Variants in GIPC2 observed in about 807,000 individuals in gnomAD.
The protein encoded by GIPC2 is GIPC PDZ domain containing family member 2, also known as PDZ domain-containing protein GIPC2.
Under a neutral mutation model 30.6 loss-of-function variants are expected in GIPC2, and 30 were observed. That is an observed-to-expected ratio of 0.98 (90% CI 0.73 to 1.33). The LOEUF is 1.33. Ranked by LOEUF, GIPC2 falls within the 40% of genes most tolerant of loss-of-function variation. The pLI is 0.00. For missense variants in GIPC2, 414 were observed against 390.3 expected (o/e 1.06, Z -0.51); for synonymous variants, 167 against 150.0 (o/e 1.11, Z -0.83).
At chr1:78,116,558 A>G (rs553736227) in intron 3 of GIPC2, among the ~76,000 whole-genome samples, 4 of 143,730 alleles carry the variant, frequency 2.8e-5, no homozygotes, top group African/African-American at 1.1e-4. Flanking sequence ...TCCTGTGTCC[A>G]AGTGTTCTCA....
intron 5 of GIPC2, among the ~76,000 whole-genome samples, chr1:78,134,620 T>G (rs1405927056): frequency 1.3e-5 from 2 of 152,156 alleles, no homozygotes; most frequent in African/African-American, 4.8e-5. Flanking sequence ...TCTCTCCCTT[T>G]TCTTCCTAGC....
At chr1:78,115,544 C>G (rs1662552867) in intron 3 of GIPC2, among the ~76,000 whole-genome samples, 1 of 152,204 alleles carries the variant, frequency 6.6e-6, no homozygotes, top group Admixed American at 6.5e-5. Flanking sequence ...GAATCCTGGA[C>G]AGTGCTGATG....
chr1:78,115,738 C>T (rs963801411), intron 3 of GIPC2, among the ~76,000 whole-genome samples: 4 of 152,154 alleles, frequency 2.6e-5, no homozygotes, highest in South Asian at 2.1e-4. Context: ...GGATGTTTCC[C>T]AAATCATCAG....
intron 1 of GIPC2, among the ~76,000 whole-genome samples, chr1:78,076,377 T>A (rs1366563712): frequency 6.6e-6 from 1 of 152,228 alleles, no homozygotes; most frequent in Admixed American, 6.5e-5. Flanking sequence ...GTGATAAGCA[T>A]GCAGTCCCCA....
At chr1:78,044,990 G>A, upstream of GIPC2, 1 of 535,532 alleles carries the variant, frequency 1.9e-6, no homozygotes, top group Non-Finnish European at 2.4e-6. Context: ...GCAACTCCTG[G>A]AGACTAGCAG....
At chr1:78,056,177 G>A (rs1661292077) in intron 1 of GIPC2, among the ~76,000 whole-genome samples, 2 of 152,140 alleles carry the variant, frequency 1.3e-5, no homozygotes, top group South Asian at 4.1e-4. Context: ...CTGGCAGTTA[G>A]TATGCAGTAA....
At chr1:78,135,162 T>C (rs908322933) in intron 5 of GIPC2, among the ~76,000 whole-genome samples, 2 of 152,268 alleles carry the variant, frequency 1.3e-5, no homozygotes, top group East Asian at 3.9e-4. Context: ...CTGGACTCCA[T>C]CTCAGTTGGC....
intron 4 of GIPC2, 144 bp from the exon 5 acceptor site, chr1:78,125,735 CAG>C: frequency 1.7e-6 from 1 of 578,552 alleles, no homozygotes; most frequent in South Asian, 2.1e-5. Flanking sequence ...TATTTAGTTA[CAG>C]AGCACATTCT....
At chr1:78,080,328 T>G (rs565808947) in intron 1 of GIPC2, among the ~76,000 whole-genome samples, 49 of 152,324 alleles carry the variant, frequency 3.2e-4, no homozygotes, top group Non-Finnish European at 6.6e-4. Context: ...ACTGGCTGTG[T>G]GACCTTAGGC....
chr1:78,045,819 T>A, upstream of GIPC2: 1 of 1,215,050 alleles, frequency 8.2e-7, no homozygotes, highest in African/African-American at 1.6e-5. Flanking sequence ...ATAGAGCCAT[T>A]TTTTACAAGG....
chr1:78,133,187 A>G (rs186873058), intron 5 of GIPC2, among the ~76,000 whole-genome samples: 7 of 152,364 alleles, frequency 4.6e-5, no homozygotes, highest in Non-Finnish European at 7.3e-5. Flanking sequence ...TGAATTAGTT[A>G]CTACGGGCAT....
At chr1:78,124,686 C>A (rs544118285) in intron 4 of GIPC2, among the ~76,000 whole-genome samples, 1 of 152,282 alleles carries the variant, frequency 6.6e-6, no homozygotes. Context: ...GTGTCCTCTC[C>A]TGCTTATCTC....
At chr1:78,096,613 C>T (rs531794027) in intron 3 of GIPC2, among the ~76,000 whole-genome samples, 4 of 151,636 alleles carry the variant, frequency 2.6e-5, no homozygotes, top group South Asian at 4.1e-4. Flanking sequence ...TTGCAAAGGT[C>T]GTTGTATTTA....
At chr1:78,086,336 A>G (rs1462002812) in intron 2 of GIPC2, among the ~76,000 whole-genome samples, 1 of 152,152 alleles carries the variant, frequency 6.6e-6, no homozygotes, top group African/African-American at 2.4e-5. Flanking sequence ...TTTTATGTCC[A>G]GTTATAATAT....
intron 1 of GIPC2, among the ~76,000 whole-genome samples, chr1:78,079,453 C>T (rs1661785974): frequency 6.6e-6 from 1 of 152,100 alleles, no homozygotes; most frequent in African/African-American, 2.4e-5. Flanking sequence ...GAGTGGGATG[C>T]AGGTTATGGA....
At chr1:78,058,681 C>A (rs1034305182) in intron 1 of GIPC2, among the ~76,000 whole-genome samples, 7 of 152,318 alleles carry the variant, frequency 4.6e-5, no homozygotes, top group African/African-American at 1.7e-4. Context: ...ATTCATGATA[C>A]ATATTAATGG....
At chr1:78,105,646 A>G (rs1350569820) in intron 3 of GIPC2, among the ~76,000 whole-genome samples, 1 of 152,218 alleles carries the variant, frequency 6.6e-6, no homozygotes, top group Admixed American at 6.5e-5. Flanking sequence ...TAGGAGGTAC[A>G]TAATAGTTTT....
chr1:78,045,470 G>T, upstream of GIPC2: 1 of 693,708 alleles, frequency 1.4e-6, no homozygotes, highest in Non-Finnish European at 1.8e-6. Context: ...CTGAATGTTG[G>T]GAGAGGAAGC....
chr1:78,046,196 G>A lies in GIPC2; in HGVS notation c.102G>A (p.Ala34=), dbSNP rs781375563. Reference sequence around the variant, plus strand: ...GCGCGGGCGGCGGGAGCCTCTCAGCGTCCCGGGCTCCCGCACGCAGGCTGG... The same window carrying A: ...GCGCGGGCGGCGGGAGCCTCTCAGCATCCCGGGCTCCCGCACGCAGGCTGG... ...PTGAGGGSLS[A]SRAPARRLVF... is the part of the protein sequence containing the mutation. Residue 34 remains alanine (A), a synonymous_variant, in exon 1 of 6, where the codon GCG becomes GCA. Transcript: ENST00000370759. 1.3e-6 allele frequency: 2 copies of A among 1,583,852 alleles called. No homozygotes were observed. The highest frequency in any genetic ancestry group is 1.1e-5 in the South Asian group (1 of 87,762).
Sources: allele counts gnomAD v4.1 joint callset (sites outside exome capture counted in the v4.1 genomes callset), GRCh38; gene constraint gnomAD v4.1.1; transcripts MANE v1.5; gene names NCBI Gene and HGNC (gene_info 2026-07-23, HGNC 2026-07-21).